Variants in LDLRAD3 observed in about 807,000 individuals in gnomAD.
The protein encoded by LDLRAD3 is low-density lipoprotein receptor class A domain-containing protein 3.
Under a neutral mutation model 29.4 loss-of-function variants are expected in LDLRAD3, and 20 were observed. The observed-to-expected ratio is 0.68, with a 90% CI of 0.48 to 0.99. The LOEUF is 0.99. Ranked by LOEUF, LDLRAD3 falls within the 50% of genes least tolerant of loss-of-function variation. The pLI is 0.00. For missense variants in LDLRAD3, 420 were observed against 454.3 expected, an observed-to-expected ratio of 0.92 and a Z score of 0.69; for synonymous variants, 157 against 192.7, an observed-to-expected ratio of 0.81 and a Z score of 1.53.
chr11:36,117,060 C>T (rs773396734), intron 4 of LDLRAD3, among the ~76,000 whole-genome samples: 1 of 152,030 alleles, frequency 6.6e-6, no homozygotes, highest in Non-Finnish European at 1.5e-5. Context: ...AGGCTGGTCT[C>T]GAACTCCTGA....
intron 1 of LDLRAD3, among the ~76,000 whole-genome samples, chr11:35,979,000 C>T (rs972809457): frequency 3.3e-5 from 5 of 152,308 alleles, no homozygotes; most frequent in Admixed American, 1.3e-4. Flanking sequence ...TAAGGCTGTT[C>T]GTTCTCAGCC....
At chr11:36,182,962 G>A (rs1045539400) in intron 4 of LDLRAD3, among the ~76,000 whole-genome samples, 5 of 152,192 alleles carry the variant, frequency 3.3e-5, no homozygotes, top group Non-Finnish European at 7.3e-5. Context: ...TCAAGAAGTT[G>A]TTGTCTTTGA....
intron 1 of LDLRAD3, among the ~76,000 whole-genome samples, chr11:36,028,985 C>T (rs1852201424): frequency 6.6e-6 from 1 of 152,226 alleles, no homozygotes; most frequent in South Asian, 2.1e-4. Context: ...TGGCTCACGC[C>T]TGTAATCCAA....
At chr11:36,190,942 C>T (rs1223210960) in intron 4 of LDLRAD3, among the ~76,000 whole-genome samples, 2 of 152,164 alleles carry the variant, frequency 1.3e-5, no homozygotes, top group Non-Finnish European at 1.5e-5. Context: ...TGAAACAAAT[C>T]GTTTCAACTC....
At chr11:35,951,911 G>A (rs1456613574) in intron 1 of LDLRAD3, among the ~76,000 whole-genome samples, 1 of 152,198 alleles carries the variant, frequency 6.6e-6, no homozygotes, top group Non-Finnish European at 1.5e-5. Context: ...TTTAGAAGAT[G>A]CAGTTGGCCA....
intron 4 of LDLRAD3, among the ~76,000 whole-genome samples, chr11:36,124,976 A>G (rs1343665630): frequency 6.6e-6 from 1 of 152,014 alleles, no homozygotes; most frequent in Non-Finnish European, 1.5e-5. Flanking sequence ...AGACATGCCA[A>G]GCTCTTTCCT....
At position 36,229,623 on chromosome 11, in the gene LDLRAD3, T is replaced by A; in HGVS notation, c.*226T>A. ...TGCGTCTTTTCTGTCAGGTCACTCT[T>A]CCCTTGGGACCCGAGATCACACCCT... is the stretch of plus-strand genomic sequence containing the variant. On this transcript the variant is annotated 3_prime_UTR_variant, in exon 6 of 6. Transcript: ENST00000315571. 2 of 487,860 alleles carry A rather than the reference T, an allele frequency of 4.1e-6. No homozygotes were observed. Among genetic ancestry groups the A allele is most frequent in the South Asian group, 4.4e-5 (1 of 22,942 alleles). The allele number at this position is 487,860 out of a possible 1,614,324, so 30.2% of individuals were successfully genotyped here. A position where few individuals can be genotyped will look rare whatever the true frequency, so the allele number is the denominator to read the frequency against.
chr11:36,126,054 C>T (rs11825222), intron 4 of LDLRAD3, among the ~76,000 whole-genome samples: 3,401 of 152,278 alleles, frequency 0.022, 123 homozygotes, highest in African/African-American at 0.078. Context: ...CTGCGATGCT[C>T]CTCCCCACCC....
intron 4 of LDLRAD3, among the ~76,000 whole-genome samples, chr11:36,137,301 GCCT>G (rs1565249910): frequency 6.6e-5 from 10 of 152,276 alleles, no homozygotes; most frequent in South Asian, 4.1e-4. Flanking sequence ...AATATCCTTT[GCCT>G]GCCTGAACAC....
chr11:36,203,100 C>A (rs1247583266), intron 4 of LDLRAD3, among the ~76,000 whole-genome samples: 2 of 151,786 alleles, frequency 1.3e-5, no homozygotes, highest in Admixed American at 1.3e-4. Flanking sequence ...CCATGCCCAG[C>A]AAATTTTTAA....
chr11:36,051,725 C>G (rs1250422131), intron 2 of LDLRAD3, among the ~76,000 whole-genome samples: 1 of 151,940 alleles, frequency 6.6e-6, no homozygotes, highest in Non-Finnish European at 1.5e-5. Context: ...GGAGTGTTAT[C>G]TTGGTGGCTC....
chr11:36,005,423 T>C (rs1040697878), intron 1 of LDLRAD3, among the ~76,000 whole-genome samples: 1 of 152,220 alleles, frequency 6.6e-6, no homozygotes, highest in East Asian at 1.9e-4. Context: ...TGACCTTTAC[T>C]CCCGTTCCCG....
At chr11:35,989,578 A>G (rs1851662124) in intron 1 of LDLRAD3, among the ~76,000 whole-genome samples, 1 of 152,100 alleles carries the variant, frequency 6.6e-6, no homozygotes, top group Non-Finnish European at 1.5e-5. Flanking sequence ...CCTTATAGAG[A>G]TCTTTCACCT....
intron 1 of LDLRAD3, among the ~76,000 whole-genome samples, chr11:35,991,420 A>C (rs1851687473): frequency 6.6e-6 from 1 of 152,192 alleles, no homozygotes; most frequent in South Asian, 2.1e-4. Flanking sequence ...TACATTCCGT[A>C]TTATGCCGGA....
chr11:36,145,545 C>G (rs1310939308), intron 4 of LDLRAD3, among the ~76,000 whole-genome samples: 1 of 146,992 alleles, frequency 6.8e-6, no homozygotes, highest in Non-Finnish European at 1.5e-5. Flanking sequence ...ATGACAATGG[C>G]GGTTTTGTGG....
rs79185770 is a variant in LDLRAD3 at position 36,145,232 on chromosome 11, C to A, written c.454+46771C>A. 4.3e-5 allele frequency among the ~76,000 whole-genome samples: 4 copies of A among 93,534 alleles called. 1 individual carries two copies. The highest frequency in any genetic ancestry group is 8.5e-5 in the Non-Finnish European group (4 of 46,862). The allele number at this position is 93,534 out of a possible 152,430, so 61.4% of individuals were successfully genotyped here. A position where few individuals can be genotyped will look rare whatever the true frequency, so the allele number is the denominator to read the frequency against. On this transcript the variant is annotated intron_variant, in intron 4 of 5. Transcript: ENST00000315571. ...GGGGGTCAGCCCCCCACCCGCCAGC[C>A]GCCCCGTCCGGGAGGGAAGTGGGGG...
intron 4 of LDLRAD3, among the ~76,000 whole-genome samples, chr11:36,144,804 TG>T (rs1353865746): frequency 4.2e-5 from 3 of 72,152 alleles, no homozygotes; most frequent in Admixed American, 4.0e-4. Flanking sequence ...GGGAGGGAGG[TG>T]GGGGGGTCAG....
intron 4 of LDLRAD3, among the ~76,000 whole-genome samples, chr11:36,126,334 C>T (rs11825287): frequency 0.022 from 3,410 of 152,274 alleles, 122 homozygotes; most frequent in African/African-American, 0.078. Flanking sequence ...GCCCTGTGCC[C>T]TGTTCCTAAA....
chr11:36,154,427 C>G (rs1854319070), intron 4 of LDLRAD3, among the ~76,000 whole-genome samples: 1 of 152,296 alleles, frequency 6.6e-6, no homozygotes. Context: ...AAGTAGCTTT[C>G]CTAAAGCATG....
Sources: gnomAD v4.1 joint callset for allele counts (sites outside exome capture counted in the v4.1 genomes callset) on GRCh38, gnomAD v4.1.1 for gene constraint, MANE v1.5 for transcripts, NCBI Gene and HGNC (gene_info 2026-07-23, HGNC 2026-07-21) for gene names.